The following ABCC11 variants were observed in gnomAD, a reference collection of about 807,000 sequenced individuals.
ABCC11 encodes the protein ATP binding cassette subfamily C member 11.
ABCC11 carries 135 observed loss-of-function variants against 149.3 expected under a neutral mutation model. That is an observed-to-expected ratio of 0.90 (90% CI 0.79 to 1.04). ABCC11 has a LOEUF of 1.04. Ranked by LOEUF, ABCC11 falls within the 50% of genes least tolerant of loss-of-function variation. ABCC11 has a pLI of 0.00. For missense variants in ABCC11, 1,680 were observed against 1,722.1 expected (o/e 0.98, Z 0.43); for synonymous variants, 665 against 671.4 (o/e 0.99, Z 0.15).
At chr16:48,174,671 C>T (rs770472670) in intron 26 of ABCC11, among the ~76,000 whole-genome samples, 7 of 151,002 alleles carry the variant, frequency 4.6e-5, no homozygotes, top group Non-Finnish European at 7.3e-5. Context: ...TTCCTAAAAA[C>T]GTCCCCAGGG....
At chr16:48,228,324 T>C (rs959798503) in intron 3 of ABCC11, among the ~76,000 whole-genome samples, 6 of 151,862 alleles carry the variant, frequency 4.0e-5, no homozygotes, top group African/African-American at 1.5e-4. Context: ...CTGGGCCCAG[T>C]GGCTCATGCC....
Position 48,205,399 on chromosome 16 carries a change from T to A in ABCC11, c.1805+14A>T. The A allele has an allele frequency of 6.2e-7, 1 of 1,614,000 alleles. No individual in the cohort carries two copies. The highest frequency in any genetic ancestry group is 8.5e-7 in the Non-Finnish European group (1 of 1,179,942). ...CATGCCCTGTACTCTCCCTTTCCCC[T>A]CCCAGGAGCTTACCGGGCCTTGTCA... On this transcript the variant is annotated intron_variant, in intron 13 of 29. Coordinates refer to ENST00000356608, the MANE Select transcript of ABCC11 (RefSeq NM_001370497.1).
At chr16:48,234,679 T>G (rs1360712311) in intron 1 of ABCC11, among the ~76,000 whole-genome samples, 3 of 152,172 alleles carry the variant, frequency 2.0e-5, no homozygotes, top group Non-Finnish European at 2.9e-5. Flanking sequence ...AGTGTCATAG[T>G]GGACAACCCA....
At position 48,184,587 on chromosome 16, in the gene ABCC11, C is replaced by T. The variant is rs201706893; in HGVS notation, c.3111G>A (p.Leu1037=). ...TCCATCGTGTGGAAGATAGAAACAACAGCAGGTAGTTATTCTGCGCATCAG... is the reference window on the plus strand; with the variant it reads ...TCCATCGTGTGGAAGATAGAAACAATAGCAGGTAGTTATTCTGCGCATCAG... ...RLTDAQNNYL[L]LFLSSTRWMA... Residue 1037 remains leucine (L), a synonymous_variant, in exon 23 of 30, where the codon CTG becomes CTA. Transcript: ENST00000356608. 3.8e-5 allele frequency: 62 copies of T among 1,614,124 alleles called. No homozygotes were observed. Among genetic ancestry groups the T allele is most frequent in the Middle Eastern group, 1.6e-4 (1 of 6,084 alleles).
intron 12 of ABCC11, among the ~76,000 whole-genome samples, chr16:48,207,885 G>A (rs1335091384): frequency 6.6e-6 from 1 of 151,942 alleles, no homozygotes; most frequent in Non-Finnish European, 1.5e-5. Flanking sequence ...GAGTAAGACT[G>A]CCCCATCCCA....
rs935304525 is a variant in ABCC11, at chr16:48,166,561, A to G, written c.*713T>C. On this transcript the variant is annotated 3_prime_UTR_variant, in exon 30 of 30. Transcript: ENST00000356608. ...GGGAGTCTCTGTTCCTTGCAACTGA[A>G]TAAGTACTAGCTAACGTAAAAAGCA... Among the ~76,000 whole-genome samples the G allele has an allele frequency of 2.0e-5, 3 of 152,194 alleles. No homozygotes were observed. Among genetic ancestry groups the G allele is most frequent in the African/African-American group, 7.2e-5 (3 of 41,444 alleles).
chr16:48,175,658 G>T (rs909705618), intron 25 of ABCC11, among the ~76,000 whole-genome samples: 7 of 152,178 alleles, frequency 4.6e-5, no homozygotes, highest in African/African-American at 1.7e-4. Context: ...AAGCCAGCCC[G>T]CAGACATGTT....
At chr16:48,204,298 G>A (rs1167520994) in intron 13 of ABCC11, among the ~76,000 whole-genome samples, 2 of 152,178 alleles carry the variant, frequency 1.3e-5, no homozygotes, top group Non-Finnish European at 2.9e-5. Flanking sequence ...TGATTGCCCT[G>A]GAGACAATCT....
chr16:48,186,890 C>G (rs546792480), intron 22 of ABCC11, 63 bp downstream of exon 22: 6 of 1,591,170 alleles, frequency 3.8e-6, no homozygotes, highest in East Asian at 2.2e-5. Flanking sequence ...ACGCTCCATT[C>G]TTTCCCTGCT....
chr16:48,232,682 A>G (rs1219407379), intron 1 of ABCC11, among the ~76,000 whole-genome samples: 2 of 152,338 alleles, frequency 1.3e-5, no homozygotes, highest in East Asian at 1.9e-4. Context: ...AGAGATGGAA[A>G]GAGAAAGTGT....
At chr16:48,190,073 C>G (rs1966859573) in intron 20 of ABCC11, among the ~76,000 whole-genome samples, 1 of 152,190 alleles carries the variant, frequency 6.6e-6, no homozygotes, top group Non-Finnish European at 1.5e-5. Flanking sequence ...TTTCTGGACT[C>G]TCCCCACTTT....
chr16:48,173,782 A>G (rs1965865664), intron 26 of ABCC11, among the ~76,000 whole-genome samples: 1 of 151,700 alleles, frequency 6.6e-6, no homozygotes, highest in East Asian at 1.9e-4. Context: ...GCACCACCAC[A>G]TCTGGCTAAT....
intron 1 of ABCC11, among the ~76,000 whole-genome samples, chr16:48,246,050 G>A (rs1232285368): frequency 6.6e-6 from 1 of 152,062 alleles, no homozygotes; most frequent in Admixed American, 6.6e-5. Flanking sequence ...TTGTGACTAT[G>A]TACATTTTTT....
intron 19 of ABCC11, among the ~76,000 whole-genome samples, chr16:48,193,060 C>G (rs1967067674): frequency 6.6e-6 from 1 of 152,118 alleles, no homozygotes; most frequent in African/African-American, 2.4e-5. Context: ...CACAGGGAAA[C>G]AGAAAGGTGG....
At position 48,175,413 on chromosome 16, in the gene ABCC11, C is replaced by A; in HGVS notation, c.3543G>T (p.Lys1181Asn). 3 of 1,607,182 alleles carry A rather than the reference C, an allele frequency of 1.9e-6. No individual in the cohort carries two copies. Among genetic ancestry groups the A allele is most frequent in the Non-Finnish European group, 2.6e-6 (3 of 1,174,382 alleles). ...GGAAGAGAGCCATGCCCAAGGAGGA[C>A]TTCCCTGTGGGGCAAGAAACAAGCG... Reference protein sequence around the residue: ...VGIVGRTGSGKSSLGMALFRL... With the variant: ...VGIVGRTGSGNSSLGMALFRL... Residue 1181 changes from lysine to asparagine, a missense_variant, in exon 26 of 30, where the codon AAG (lysine) becomes AAT (asparagine). Lys to Asn is a moderately conservative substitution (Grantham distance 94). Transcript: ENST00000356608.
Position 48,222,817 on chromosome 16 carries a change from T to C in ABCC11, c.558A>G (p.Pro186=). The change falls in exon 6 of 30, where the codon CCA becomes CCG. Residue 186 remains proline (P), a synonymous_variant. Coordinates refer to ENST00000356608, the MANE Select transcript of ABCC11 (RefSeq NM_001370497.1). ...GCTCTTCTGAATATTCCAGGATCTT[T>C]GGTATAATCAATATCTACAAGGAAA... ...ASVLGPILII[P]KILEYSEEQL... is the part of the protein sequence containing the mutation. The C allele has an allele frequency of 6.2e-7, 1 of 1,613,356 alleles. No individual in the cohort carries two copies. The highest frequency in any genetic ancestry group is 8.5e-7 in the Non-Finnish European group (1 of 1,179,248).
At chr16:48,191,567 G>A (rs370191970) in intron 20 of ABCC11, among the ~76,000 whole-genome samples, 8 of 152,302 alleles carry the variant, frequency 5.3e-5, no homozygotes, top group East Asian at 3.9e-4. Flanking sequence ...TTCTGTAAAC[G>A]AAAAGTGCTC....
chr16:48,200,200 C>T (rs1255722242), intron 15 of ABCC11, 76 bp downstream of exon 15: 9 of 1,464,260 alleles, frequency 6.1e-6, no homozygotes, highest in Non-Finnish European at 8.4e-6. Flanking sequence ...GTTATTGAAT[C>T]ACACTCTGAA....
intron 2 of ABCC11, 85 bp downstream of exon 2, chr16:48,231,738 G>A (rs1292084787): frequency 2.0e-6 from 3 of 1,528,786 alleles, no homozygotes; most frequent in Admixed American, 4.0e-5. Context: ...AGTATGGGAA[G>A]AAATTGTTTG....
Sources: allele counts gnomAD v4.1 joint callset (sites outside exome capture counted in the v4.1 genomes callset), GRCh38; gene constraint gnomAD v4.1.1; transcripts MANE v1.5; gene names NCBI Gene and HGNC (gene_info 2026-07-23, HGNC 2026-07-21).